Variants in OSBPL3 observed in about 807,000 individuals in gnomAD.
OSBPL3 encodes oxysterol binding protein like 3, also known as oxysterol-binding protein-related protein 3.
Under a neutral mutation model 120.1 loss-of-function variants are expected in OSBPL3, and 65 were observed. That is an observed-to-expected ratio of 0.54 (90% confidence interval 0.44 to 0.67). OSBPL3 has a LOEUF of 0.67. Ranked by LOEUF, OSBPL3 falls within the 30% of genes least tolerant of loss-of-function variation. OSBPL3 has a pLI of 0.00. For synonymous variants in OSBPL3, 416 were observed against 402.6 expected (o/e 1.03, Z -0.40); for missense variants, 1,004 against 1,082.1 (o/e 0.93, Z 1.01).
At chr7:24,825,488 A>C (rs1008209874) in intron 16 of OSBPL3, among the ~76,000 whole-genome samples, 1 of 152,212 alleles carries the variant, frequency 6.6e-6, no homozygotes, top group Admixed American at 6.5e-5. Context: ...AAAATTAAAA[A>C]ACAAAAACAC....
Position 24,877,663 on chromosome 7 carries a change from G to C in OSBPL3, c.97-5594C>G, listed in dbSNP as rs1228194097. ...AGTCCCCCAGAACCTTCGGGACATG[G>C]GACTTTAATAATGTGTGCTGGATTA... On this transcript the variant is annotated intron_variant, in intron 2 of 22. Coordinates refer to ENST00000313367, the MANE Select transcript of OSBPL3 (RefSeq NM_015550.4). This position sits in a 1 kb window ranked among gnomAD's most constrained non-coding sequence, Gnocchi z 4.8. 6.6e-6 allele frequency among the ~76,000 whole-genome samples: 1 copy of C among 152,156 alleles called. No homozygotes were observed. The highest frequency in any genetic ancestry group is 2.4e-5 in the African/African-American group (1 of 41,440).
Position 24,894,864 on chromosome 7 carries a change from C to A in OSBPL3, c.-149-2243G>T, listed in dbSNP as rs1318988206. Among the ~76,000 whole-genome samples, 1 of 152,180 alleles carries A rather than the reference C, an allele frequency of 6.6e-6. No homozygotes were observed. Among genetic ancestry groups the A allele is most frequent in the Admixed American group, 6.5e-5 (1 of 15,280 alleles). On this transcript the variant is annotated intron_variant, in intron 1 of 22. Transcript: ENST00000313367. This position sits in a 1 kb window ranked among gnomAD's most constrained non-coding sequence, Gnocchi z 4.1. ...GGGTCATCTTTATCTCTTTGTCCTG[C>A]AGAATTTCAGTTGGGAGGCAACAGC... is the stretch of plus-strand genomic sequence containing the variant.
At chr7:24,865,895 G>A (rs1801242880) in intron 6 of OSBPL3, among the ~76,000 whole-genome samples, 175 bp downstream of exon 6, 1 of 151,976 alleles carries the variant, frequency 6.6e-6, no homozygotes, top group Admixed American at 6.6e-5. Flanking sequence ...ACTAATAGAT[G>A]CTTGTCTGGT....
intron 14 of OSBPL3, among the ~76,000 whole-genome samples, chr7:24,838,733 ATCC>A (rs2128192445): frequency 6.6e-6 from 1 of 152,270 alleles, no homozygotes; most frequent in African/African-American, 2.4e-5. Flanking sequence ...ACATTTGTCA[ATCC>A]TCCTCATCTA....
At chr7:24,856,334 G>A (rs1055341100) in intron 10 of OSBPL3, among the ~76,000 whole-genome samples, 2 of 152,026 alleles carry the variant, frequency 1.3e-5, no homozygotes, top group African/African-American at 4.8e-5. Context: ...TTCTTTTATT[G>A]AGTTAGTACA....
At chr7:24,920,201 T>C (rs1200027514) in intron 1 of OSBPL3, among the ~76,000 whole-genome samples, 4 of 152,176 alleles carry the variant, frequency 2.6e-5, no homozygotes, top group Non-Finnish European at 4.4e-5. Flanking sequence ...GGAACGTTCA[T>C]AGTAGCATTA....
Position 24,849,059 on chromosome 7 carries a change from A to G in OSBPL3, c.1266+10T>C. On this transcript the variant is annotated intron_variant, in intron 12 of 22. Transcript: ENST00000313367. The surrounding 1 kb of genome is among the most constrained non-coding windows in gnomAD (Gnocchi z 5.4). ...CTGGGGAGACATTACCAGACGAGAA[A>G]CCTACCCACCTCTGCCAGATTGTCA... is the stretch of plus-strand genomic sequence containing the variant. 1 of 1,603,514 alleles carries G rather than the reference A, an allele frequency of 6.2e-7. No individual in the cohort carries two copies.
chr7:24,931,811 G>GA (rs1458946509), intron 1 of OSBPL3, among the ~76,000 whole-genome samples: 1 of 152,138 alleles, frequency 6.6e-6, no homozygotes, highest in Non-Finnish European at 1.5e-5. Context: ...AACAGCATGT[G>GA]AAAAAGCATT....
At chr7:24,836,892 T>C (rs1370853192) in intron 14 of OSBPL3, among the ~76,000 whole-genome samples, 1 of 152,202 alleles carries the variant, frequency 6.6e-6, no homozygotes, top group Non-Finnish European at 1.5e-5. Context: ...TGGAGTACAG[T>C]GGCATAATCT....
At chr7:24,801,906 G>A (rs751136847) in intron 22 of OSBPL3, among the ~76,000 whole-genome samples, 6 of 152,094 alleles carry the variant, frequency 3.9e-5, no homozygotes, top group Admixed American at 6.6e-5. Context: ...TACTTAATAG[G>A]TACCCCACTG....
chr7:24,961,872 G>C (rs1759826853), intron 1 of OSBPL3, among the ~76,000 whole-genome samples: 1 of 152,146 alleles, frequency 6.6e-6, no homozygotes, highest in South Asian at 2.1e-4. Context: ...ACAAATGCAT[G>C]GATAGCATCG....
chr7:24,845,436 T>C (rs1798313594), intron 12 of OSBPL3, among the ~76,000 whole-genome samples: 1 of 142,484 alleles, frequency 7.0e-6, no homozygotes, highest in South Asian at 2.4e-4. Flanking sequence ...CCTATCTGTA[T>C]TTGTGTGTAT....
rs997320148 is a variant in OSBPL3, at chr7:24,805,175, A to T, written c.2445-738T>A. ...TATTACTGAACTGCCCTTTATGGGGATCATACCCAATTTATATTCCCATCA... is the reference window on the plus strand; with the variant it reads ...TATTACTGAACTGCCCTTTATGGGGTTCATACCCAATTTATATTCCCATCA... On this transcript the variant is annotated intron_variant, in intron 21 of 22. Coordinates refer to ENST00000313367, the MANE Select transcript of OSBPL3 (RefSeq NM_015550.4). This position sits in a 1 kb window ranked among gnomAD's most constrained non-coding sequence, Gnocchi z 4.0. Among the ~76,000 whole-genome samples, 3 of 152,208 alleles carry T rather than the reference A, an allele frequency of 2.0e-5. No homozygotes were observed. The highest frequency in any genetic ancestry group is 4.4e-5 in the Non-Finnish European group (3 of 68,040).
Position 24,953,603 on chromosome 7 carries a change from A to G in OSBPL3, c.-150+26283T>C, listed in dbSNP as rs1309502563. 6.6e-6 allele frequency among the ~76,000 whole-genome samples: 1 copy of G among 152,244 alleles called. No individual in the cohort carries two copies. The highest frequency in any genetic ancestry group is 1.5e-5 in the Non-Finnish European group (1 of 68,028). ...CATTAGGAAGCAGTCAGATTGTATC[A>G]GTGATCAAACAGTTCAGACAGGGAA... On this transcript the variant is annotated intron_variant, in intron 1 of 22. Transcript: ENST00000313367. The surrounding 1 kb of genome is among the most constrained non-coding windows in gnomAD (Gnocchi z 4.3).
chr7:24,844,423 C>T (rs1798151410), intron 12 of OSBPL3, among the ~76,000 whole-genome samples: 1 of 148,464 alleles, frequency 6.7e-6, no homozygotes, highest in Admixed American at 6.7e-5. Context: ...GTTAGTGTAT[C>T]TTATGTGTAG....
Position 24,806,815 on chromosome 7 carries a change from A to G in OSBPL3, c.2405T>C (p.Leu802Ser), listed in dbSNP as rs1427726173. 2.5e-6 allele frequency: 4 copies of G among 1,613,894 alleles called. No individual in the cohort carries two copies. The African/African-American group carries it at 4.0e-5, about 16-fold the overall frequency. ...LNEMDPSSKS[L>S]LPPTDTRFRP... ...AAATCGAGTGTCAGTAGGTGGCAAT[A>G]AAGACTTTGATGATGGATCCATTTC... The change falls in exon 21 of 23, where the codon TTA (leucine) becomes TCA (serine). Residue 802 changes from leucine (L) to serine (S), a missense_variant. Physicochemically the swap from Leu to Ser is moderately radical, Grantham distance 145 (BLOSUM62 -2). Around this residue, in one of 4 missense-constraint regions of OSBPL3, gnomAD observed 473 missense variants for 568.0 expected, o/e 0.83. Coordinates refer to ENST00000313367, the MANE Select transcript of OSBPL3 (RefSeq NM_015550.4). The surrounding 1 kb of genome is among the most constrained non-coding windows in gnomAD (Gnocchi z 5.2).
intron 12 of OSBPL3, among the ~76,000 whole-genome samples, chr7:24,843,636 T>C (rs1798053074): frequency 6.6e-6 from 1 of 152,184 alleles, no homozygotes; most frequent in Admixed American, 6.5e-5. Context: ...CTACAAACTG[T>C]TGAAATAGAT....
chr7:24,938,807 G>C lies in OSBPL3; in HGVS notation c.-150+41079C>G, dbSNP rs974909907. ...TGTGTGTGTGTGTGTGTGTGTGTGT[G>C]TGTGTGTGTGTGTGTGTGTGTGTGT... On this transcript the variant is annotated intron_variant, in intron 1 of 22. Transcript: ENST00000313367. The surrounding 1 kb of genome is among the most constrained non-coding windows in gnomAD (Gnocchi z 5.8). Among the ~76,000 whole-genome samples, 10 of 150,884 alleles carry C rather than the reference G, an allele frequency of 6.6e-5. No homozygotes were observed. The highest frequency in any genetic ancestry group is 2.1e-4 in the South Asian group (1 of 4,738).
chr7:24,887,694 G>T lies in OSBPL3; in HGVS notation c.96+4683C>A, dbSNP rs1252486830. On this transcript the variant is annotated intron_variant, in intron 2 of 22. Coordinates refer to ENST00000313367, the MANE Select transcript of OSBPL3 (RefSeq NM_015550.4). ...TTTAACTCTTCTCTATCACTAAGGGGTGACAAACACAATGTCCATGCTGTG... is the reference window on the plus strand; with the variant it reads ...TTTAACTCTTCTCTATCACTAAGGGTTGACAAACACAATGTCCATGCTGTG... 2.0e-5 allele frequency among the ~76,000 whole-genome samples: 3 copies of T among 152,236 alleles called. No homozygotes were observed. The East Asian group carries it at 5.8e-4, about 29-fold the overall frequency.
Sources: gnomAD v4.1 joint callset for allele counts (sites outside exome capture counted in the v4.1 genomes callset) on GRCh38, gnomAD v4.1.1 for gene constraint, gnomAD v4.1.1 regional missense constraint, Gnocchi (gnomAD v3.1) non-coding constraint, MANE v1.5 for transcripts, NCBI Gene and HGNC (gene_info 2026-07-23, HGNC 2026-07-21) for gene names.